Variants in BAIAP2 observed in about 807,000 individuals in gnomAD.
BAIAP2 encodes BAR/IMD domain containing adaptor protein 2, also known as BAR/IMD domain-containing adapter protein 2.
In BAIAP2, 18 loss-of-function variants were observed where a neutral mutation model predicts 63.0. That is an observed-to-expected ratio of 0.29 (90% CI 0.20 to 0.42). BAIAP2 has a LOEUF of 0.42. Among genes scored for constraint, BAIAP2 ranks in the 10% least tolerant of loss-of-function variants. The pLI is 1.00. For synonymous variants in BAIAP2, 386 were observed against 307.6 expected (o/e 1.25, Z -2.67); for missense variants, 610 against 734.3 (o/e 0.83, Z 1.96).
intron 3 of BAIAP2, among the ~76,000 whole-genome samples, chr17:81,074,311 GGT>G (rs1240072311): frequency 2.7e-5 from 4 of 149,548 alleles, no homozygotes; most frequent in African/African-American, 7.4e-5. Context: ...TGTGAGTGCC[GGT>G]GTGTGTGCAT....
chr17:81,116,355 G>A lies in BAIAP2; in HGVS notation c.*516G>A. 1 of 1,607,136 alleles carries A rather than the reference G, an allele frequency of 6.2e-7. No individual in the cohort carries two copies. The highest frequency in any genetic ancestry group is 8.5e-7 in the Non-Finnish European group (1 of 1,176,788). On this transcript the variant is annotated 3_prime_UTR_variant, in exon 14 of 14. Coordinates refer to ENST00000428708, the MANE Select transcript of BAIAP2 (RefSeq NM_001144888.2). ...TGCAGGTCCGGCAGCTACACCTGGAGTGTGGGGCCTGGTCCCTCCCCATGC... is the reference window on the plus strand; with the variant it reads ...TGCAGGTCCGGCAGCTACACCTGGAATGTGGGGCCTGGTCCCTCCCCATGC...
At chr17:81,109,160 C>T in intron 13 of BAIAP2, 1 of 1,436,996 alleles carries the variant, frequency 7.0e-7, no homozygotes, top group Non-Finnish European at 9.1e-7. Flanking sequence ...TGTGATCCCC[C>T]AGGGTCCATG....
In BAIAP2 at chr17:81,041,446, A is replaced by G. The variant is rs564909212; in HGVS notation, c.54+6138A>G. ...TGCTGGGGACCCCTTGTTGGGGGAA[A>G]GGCTGTCAGTTACAACAGGGTGCTT... is the stretch of plus-strand genomic sequence containing the variant. On this transcript the variant is annotated intron_variant, in intron 1 of 13. Coordinates refer to ENST00000428708, the MANE Select transcript of BAIAP2 (RefSeq NM_001144888.2). Among the ~76,000 whole-genome samples the G allele has an allele frequency of 6.6e-5, 10 of 152,344 alleles. 1 individual carries two copies. Among genetic ancestry groups the G allele is most frequent in the Middle Eastern group, 3.4e-3 (1 of 294 alleles).
intron 1 of BAIAP2, among the ~76,000 whole-genome samples, chr17:81,035,691 C>T (rs1409040480): frequency 1.3e-5 from 2 of 151,578 alleles, no homozygotes; most frequent in Non-Finnish European, 2.9e-5. Context: ...GGGGTCGTAG[C>T]ACACCCGGGC....
chr17:81,050,455 G>GCCGCCGTGCTGAC (rs907586173), intron 1 of BAIAP2, among the ~76,000 whole-genome samples: 1 of 152,226 alleles, frequency 6.6e-6, no homozygotes, highest in African/African-American at 2.4e-5. Flanking sequence ...GGTAGGCATG[G>GCCGCCGTGCTGAC]CCGCCGTGCT....
chr17:81,042,449 C>A (rs116971394), intron 1 of BAIAP2, among the ~76,000 whole-genome samples: 7,849 of 152,178 alleles, frequency 0.052, 273 homozygotes, highest in Non-Finnish European at 0.081. Context: ...AGCAAACGCA[C>A]CCTGGTGCTT....
chr17:81,085,318 G>C (rs2055384639), intron 4 of BAIAP2: 2 of 533,620 alleles, frequency 3.7e-6, no homozygotes, highest in Non-Finnish European at 3.4e-6. Context: ...CCTGGTGTCA[G>C]TTCAGGCCCA....
intron 3 of BAIAP2, among the ~76,000 whole-genome samples, chr17:81,059,070 G>A (rs1380319408): frequency 2.6e-5 from 4 of 152,338 alleles, no homozygotes; most frequent in South Asian, 2.1e-4. Context: ...GTCCTGCGCC[G>A]GGAGGCAGAC....
Position 81,110,994 on chromosome 17 carries a change from C to T in BAIAP2, c.1535+2485C>T. ...CTGGCGTTCTCGTGCAGTCACTGGC[C>T]TCTCCAGTGGTTCTCCACGGGCCCT... On this transcript the variant is annotated intron_variant, in intron 13 of 13. Transcript: ENST00000428708. 2.5e-6 allele frequency: 4 copies of T among 1,612,682 alleles called. No individual in the cohort carries two copies. The South Asian group carries it at 3.3e-5, about 13-fold the overall frequency.
chr17:81,043,924 G>A (rs2047435266), intron 1 of BAIAP2, among the ~76,000 whole-genome samples: 1 of 152,274 alleles, frequency 6.6e-6, no homozygotes, highest in Non-Finnish European at 1.5e-5. Context: ...TGAGACGATA[G>A]CGTATTTCCT....
chr17:81,108,147 G>C (rs1336018726), intron 12 of BAIAP2: 5 of 436,974 alleles, frequency 1.1e-5, no homozygotes, highest in Non-Finnish European at 2.0e-5. Flanking sequence ...GTGCCCTGCG[G>C]GGGCCTCGGC....
At chr17:81,091,073 CACTTGTGTGCCCCG>C (rs1314076142) in intron 6 of BAIAP2, among the ~76,000 whole-genome samples, 23 of 125,424 alleles carry the variant, frequency 1.8e-4, no homozygotes, top group Non-Finnish European at 3.5e-4. Flanking sequence ...GACCCGCCCC[CACTTGTGTGCCCCG>C]ACTTGTGTGG....
intron 13 of BAIAP2, among the ~76,000 whole-genome samples, chr17:81,111,968 A>G (rs376699177): frequency 6.6e-6 from 1 of 152,242 alleles, no homozygotes; most frequent in East Asian, 1.9e-4. Context: ...CAGGCAGATC[A>G]TGGATCTGTC....
intron 3 of BAIAP2, among the ~76,000 whole-genome samples, chr17:81,071,849 G>A (rs533172673): frequency 6.6e-6 from 1 of 152,370 alleles, no homozygotes; most frequent in Non-Finnish European, 1.5e-5. Flanking sequence ...GCCAAGTAGG[G>A]CCTTGTGGGT....
At chr17:81,045,088 C>T (rs1329190436) in intron 1 of BAIAP2, among the ~76,000 whole-genome samples, 1 of 152,220 alleles carries the variant, frequency 6.6e-6, no homozygotes, top group Admixed American at 6.5e-5. Context: ...GCGGCTCCTC[C>T]TGCGTGGGCC....
intron 3 of BAIAP2, among the ~76,000 whole-genome samples, chr17:81,070,500 G>A (rs1248387034): frequency 2.6e-5 from 4 of 152,208 alleles, no homozygotes; most frequent in African/African-American, 9.6e-5. Flanking sequence ...CAAAGGAAGA[G>A]GCAAAAGGTG....
At chr17:81,051,644 G>T (rs2048696644) in intron 1 of BAIAP2, among the ~76,000 whole-genome samples, 1 of 152,108 alleles carries the variant, frequency 6.6e-6, no homozygotes, top group Non-Finnish European at 1.5e-5. Context: ...CGCCTGCCTT[G>T]GCCTCCCAAA....
rs1220924893 is a variant in BAIAP2, at chr17:81,116,891, G to C, written c.*1052G>C. 6.4e-6 allele frequency: 1 copy of C among 155,380 alleles called. No homozygotes were observed. The highest frequency in any genetic ancestry group is 1.4e-5 in the Non-Finnish European group (1 of 69,774). 9.6% of individuals were successfully genotyped at this position (155,380 alleles called of 1,614,324 possible). On this transcript the variant is annotated 3_prime_UTR_variant, in exon 14 of 14. Coordinates refer to ENST00000428708, the MANE Select transcript of BAIAP2 (RefSeq NM_001144888.2). ...GGAAGCTGTAGAGTTGGCGGGCCAGGAGGGCAGTTGAGAGCTGGCCAGCGG... is the reference window on the plus strand; with the variant it reads ...GGAAGCTGTAGAGTTGGCGGGCCAGCAGGGCAGTTGAGAGCTGGCCAGCGG...
In BAIAP2 at chr17:81,116,838, G is replaced by C. The variant is rs866145888; in HGVS notation, c.*999G>C. 6.4e-6 allele frequency: 1 copy of C among 155,914 alleles called. No homozygotes were observed. Among genetic ancestry groups the C allele is most frequent in the African/African-American group, 2.4e-5 (1 of 41,542 alleles). The allele number at this position is 155,914 out of a possible 1,614,324, so 9.7% of individuals were successfully genotyped here. The stretch of plus-strand genomic sequence containing the variant: ...GGTGTCTCCAGCAGAGCTCACTCCC[G>C]CCTACAGCCACTCACACCCCGGGGA... On this transcript the variant is annotated 3_prime_UTR_variant, in exon 14 of 14. Coordinates refer to ENST00000428708, the MANE Select transcript of BAIAP2 (RefSeq NM_001144888.2).
Sources: allele counts gnomAD v4.1 joint callset (sites outside exome capture counted in the v4.1 genomes callset), GRCh38; gene constraint gnomAD v4.1.1; transcripts MANE v1.5; gene names NCBI Gene and HGNC (gene_info 2026-07-23, HGNC 2026-07-21).